Variants in CPSF4L observed in about 807,000 individuals in gnomAD.
The protein encoded by CPSF4L is putative cleavage and polyadenylation specificity factor subunit 4-like protein.
A neutral mutation model predicts 24.0 loss-of-function variants in CPSF4L; 18 were observed. The observed-to-expected ratio is 0.75, with a 90% CI of 0.52 to 1.11. The LOEUF (loss-of-function observed/expected upper bound fraction) is 1.11, where lower values mean the gene tolerates loss of function less well. Ranked by LOEUF, CPSF4L falls within the 50% of genes least tolerant of loss-of-function variation. The probability of loss-of-function intolerance (pLI) is 0.00; values close to 1 mark genes in which losing one functional copy is unlikely to be tolerated. For synonymous variants in CPSF4L, 72 were observed against 77.2 expected, an observed-to-expected ratio of 0.93 and a Z score of 0.35; for missense variants, 211 against 221.8, an observed-to-expected ratio of 0.95 and a Z score of 0.31.
Position 73,248,472 on chromosome 17 carries a change from C to G in CPSF4L, c.*22G>C, listed in dbSNP as rs1438960339. The G allele has an allele frequency of 5.8e-6, 9 of 1,551,100 alleles. No homozygotes were observed. The highest frequency in any genetic ancestry group is 7.0e-6 in the Non-Finnish European group (8 of 1,146,636). ...TGCCCTGTCTGTGGCATTGGAGTGC[C>G]CCGCTAGGTAAGAAGCAACGCTTAG... On this transcript the variant is annotated 3_prime_UTR_variant, in exon 6 of 6. Coordinates refer to ENST00000344935, the MANE Select transcript of CPSF4L (RefSeq NM_001129885.1).
At chr17:73,250,233 A>T in intron 5 of CPSF4L, 5 of 1,549,300 alleles carry the variant, frequency 3.2e-6, no homozygotes, top group Non-Finnish European at 4.4e-6. Flanking sequence ...TCCTGACCAT[A>T]GGTTAGTTTT....
intron 1 of CPSF4L, 146 bp from the exon 2 acceptor site, chr17:73,261,129 A>G: frequency 6.3e-6 from 4 of 638,670 alleles, no homozygotes; most frequent in Non-Finnish European, 1.1e-5. Context: ...GTAGAGGTTA[A>G]CCTGCAGAGC....
rs1209698335 is a variant in CPSF4L at position 73,257,804 on chromosome 17, C to T, written c.184G>A (p.Gly62Arg). The change falls in exon 3 of 6, where the codon GGG becomes AGG. Residue 62 changes from glycine to arginine, a missense_variant. Transcript: ENST00000344935. ...GKLCPFRHDR[G>R]EKMVVCKHWL... Reference sequence around the variant, plus strand: ...TGCTTGCATACCACCATCTTCTCCCCTCGGTCATGTCGGAAGGGGCAGAGT... The same window carrying T: ...TGCTTGCATACCACCATCTTCTCCCTTCGGTCATGTCGGAAGGGGCAGAGT... 3.9e-6 allele frequency: 6 copies of T among 1,551,502 alleles called. No individual in the cohort carries two copies. The highest frequency in any genetic ancestry group is 1.2e-5 in the South Asian group (1 of 84,056).
intron 2 of CPSF4L, among the ~76,000 whole-genome samples, chr17:73,259,683 G>A (rs954445147): frequency 1.1e-4 from 16 of 152,198 alleles, no homozygotes; most frequent in Non-Finnish European, 1.9e-4. Flanking sequence ...GGCCTTGGGC[G>A]ACCAGTGATC....
chr17:73,259,557 GCTTT>G (rs1224573123), intron 2 of CPSF4L, among the ~76,000 whole-genome samples: 1 of 152,100 alleles, frequency 6.6e-6, no homozygotes, highest in Non-Finnish European at 1.5e-5. Flanking sequence ...CACCATAATA[GCTTT>G]CTTTCTTTGC....
downstream of CPSF4L, chr17:73,247,540 A>G: frequency 1.9e-6 from 1 of 540,428 alleles, no homozygotes; most frequent in South Asian, 2.3e-5. Flanking sequence ...AGGGTGCTGA[A>G]ACATAATGAA....
At chr17:73,243,164 ATTTT>A in the CPSF4L span, 12 of 657,944 alleles carry the variant, frequency 1.8e-5, no homozygotes, top group South Asian at 1.7e-4. Context: ...TCTGGGTTTT[ATTTT>A]TTTGAGATAC....
chr17:73,254,050 AG>A (rs2062015359), intron 3 of CPSF4L, 24 bp from the exon 4 acceptor site: 7 of 1,530,034 alleles, frequency 4.6e-6, no homozygotes, highest in Non-Finnish European at 6.2e-6. Flanking sequence ...CACTCTCTGT[AG>A]AAGCAGTTTC....
the CPSF4L span, chr17:73,243,017 T>C: frequency 1.3e-6 from 2 of 1,597,330 alleles, no homozygotes; most frequent in South Asian, 1.1e-5. Flanking sequence ...AGTCTTTCTA[T>C]ATTTCTAGCC....
downstream of CPSF4L, chr17:73,248,428 G>T: frequency 7.4e-7 from 1 of 1,346,346 alleles, no homozygotes; most frequent in Non-Finnish European, 1.0e-6. Flanking sequence ...TGCAGAAGGA[G>T]GGGGTAAAAG....
At chr17:73,253,724 C>T (rs1359165394) in intron 4 of CPSF4L, among the ~76,000 whole-genome samples, 1 of 152,228 alleles carries the variant, frequency 6.6e-6, no homozygotes, top group Non-Finnish European at 1.5e-5. Flanking sequence ...GGATTTGAAC[C>T]CAAGTCAGTC....
At position 73,257,831 on chromosome 17, in the gene CPSF4L, T is replaced by G. The variant is rs999206110; in HGVS notation, c.157A>C (p.Lys53Gln). ...CGGTCATGTCGGAAGGGGCAGAGTT[T>G]CCCTGGAGATGCCAGAGCACCTGGC... is the stretch of plus-strand genomic sequence containing the variant. ...FFTKGLCEKG[K>Q]LCPFRHDRGE... The change falls in exon 3 of 6, where the codon AAA becomes CAA. Residue 53 changes from lysine to glutamine, a missense_variant and splice_region_variant. Lys to Gln is a moderately conservative substitution (Grantham distance 53). Coordinates refer to ENST00000344935, the MANE Select transcript of CPSF4L (RefSeq NM_001129885.1). The G allele has an allele frequency of 1.2e-5, 19 of 1,551,184 alleles. No homozygotes were observed. The highest frequency in any genetic ancestry group is 3.9e-5 in the Admixed American group (2 of 50,958).
downstream of CPSF4L, chr17:73,248,374 A>T (rs1384587122): frequency 2.2e-6 from 2 of 902,970 alleles, no homozygotes; most frequent in Non-Finnish European, 3.5e-6. Context: ...AACATGATTT[A>T]CCATTTTAAA....
chr17:73,243,114 T>C, the CPSF4L span: 1 of 793,274 alleles, frequency 1.3e-6, no homozygotes, highest in Non-Finnish European at 2.1e-6. Context: ...AGCTTTACAG[T>C]ATCTGGCATG....
chr17:73,242,136 T>C, the CPSF4L span: 23 of 637,958 alleles, frequency 3.6e-5, no homozygotes, highest in East Asian at 4.5e-4. Context: ...TGCACCTGTT[T>C]AGAATATGCT....
At chr17:73,248,233 A>C, downstream of CPSF4L, 1 of 456,806 alleles carries the variant, frequency 2.2e-6, no homozygotes, top group Non-Finnish European at 3.9e-6. Context: ...CTTCATCCAG[A>C]AAGACAAGAC....
chr17:73,258,098 C>T (rs1438601389), intron 2 of CPSF4L, among the ~76,000 whole-genome samples: 1 of 152,024 alleles, frequency 6.6e-6, no homozygotes, highest in Non-Finnish European at 1.5e-5. Context: ...CAAGCTCCGC[C>T]TCCTGGGTTC....
chr17:73,261,061 C>A, intron 1 of CPSF4L, 78 bp from the exon 2 acceptor site: 1 of 1,189,456 alleles, frequency 8.4e-7, no homozygotes. Flanking sequence ...CCTCCATCGG[C>A]ATGTCCCACC....
chr17:73,256,470 CT>C (rs1417825591), intron 3 of CPSF4L, among the ~76,000 whole-genome samples: 5 of 152,220 alleles, frequency 3.3e-5, no homozygotes, highest in African/African-American at 1.2e-4. Context: ...CTGAAGCTGG[CT>C]GCAGCCACAT....
Sources: allele counts gnomAD v4.1 joint callset (sites outside exome capture counted in the v4.1 genomes callset), GRCh38; gene constraint gnomAD v4.1.1; transcripts MANE v1.5; gene names NCBI Gene and HGNC (gene_info 2026-07-23, HGNC 2026-07-21).